The following ZNF546 variants were observed in gnomAD, a reference collection of about 807,000 sequenced individuals.
The protein encoded by ZNF546 is CTC-471F3.6.
In ZNF546, 60 loss-of-function variants were observed where a neutral mutation model predicts 76.2. That is an observed-to-expected ratio of 0.79 (90% CI 0.64 to 0.98). The LOEUF (loss-of-function observed/expected upper bound fraction) is 0.98, where lower values mean the gene tolerates loss of function less well. Ranked by LOEUF, ZNF546 falls within the 50% of genes least tolerant of loss-of-function variation. The pLI, the probability that ZNF546 is intolerant of heterozygous loss-of-function variation, is 0.00. For missense variants in ZNF546, 936 were observed against 1,035.6 expected, an observed-to-expected ratio of 0.90 and a Z score of 1.32; for synonymous variants, 277 against 328.1, an observed-to-expected ratio of 0.84 and a Z score of 1.68.
In ZNF546 at chr19:39,998,405, A is replaced by G. The variant is rs376089251; in HGVS notation, c.79A>G (p.Ile27Val). The change falls in exon 3 of 7, where the codon ATA becomes GTA. Residue 27 changes from isoleucine to valine, a missense_variant. Ile to Val is a conservative substitution (Grantham distance 29). Coordinates refer to ENST00000347077, the MANE Select transcript of ZNF546 (RefSeq NM_178544.5). The stretch of plus-strand genomic sequence containing the variant: ...AATCATTCCTCTGCACTCACTTTCT[A>G]TAATGGTAGAGAAATGCATATCCTG... ...FQIIPLHSLS[I>V]MPRFLWILCF... is the part of the protein sequence containing the mutation. The G allele has an allele frequency of 1.2e-6, 2 of 1,613,226 alleles. No homozygotes were observed. Among genetic ancestry groups the G allele is most frequent in the Non-Finnish European group, 1.7e-6 (2 of 1,179,184 alleles).
In ZNF546 at chr19:40,015,502, T is replaced by G. The variant is rs745719459; in HGVS notation, c.2232T>G (p.Thr744=). ...YHLTQHFRLH[T]GEKPYSCKEC... is the part of the protein sequence containing the mutation. ...TTACTCAACATTTTAGACTTCATACTGGTGAGAAACCTTATAGCTGTAAAG... is the reference window on the plus strand; with the variant it reads ...TTACTCAACATTTTAGACTTCATACGGGTGAGAAACCTTATAGCTGTAAAG... Residue 744 remains threonine, a synonymous_variant, in exon 7 of 7, where the codon ACT becomes ACG. Coordinates refer to ENST00000347077, the MANE Select transcript of ZNF546 (RefSeq NM_178544.5). 3 of 1,614,190 alleles carry G rather than the reference T, an allele frequency of 1.9e-6. No homozygotes were observed. The highest frequency in any genetic ancestry group is 2.5e-6 in the Non-Finnish European group (3 of 1,180,030).
rs776864029 is a variant in ZNF546, at chr19:40,014,986, G to A, written c.1716G>A (p.Gln572=). 6.2e-7 allele frequency: 1 copy of A among 1,613,506 alleles called. No homozygotes were observed. The highest frequency in any genetic ancestry group is 1.7e-5 in the Admixed American group (1 of 59,992). ...ATAGCAATCAATTTATTTCACACCA[G>A]CGAATTCACACCAGTGAGAGCACCT... The part of the protein sequence containing the change: ...FIHSNQFISH[Q]RIHTSESTYI... The change falls in exon 7 of 7, where the codon CAG becomes CAA. Residue 572 remains glutamine (Q), a synonymous_variant. Coordinates refer to ENST00000347077, the MANE Select transcript of ZNF546 (RefSeq NM_178544.5).
chr19:39,998,423 AT>A lies in ZNF546; in HGVS notation c.84+14del. On this transcript the variant is annotated intron_variant, in intron 3 of 6. Coordinates refer to ENST00000347077, the MANE Select transcript of ZNF546 (RefSeq NM_178544.5). The stretch of plus-strand genomic sequence containing the variant: ...ACTTTCTATAATGGTAGAGAAATGC[AT>A]ATCCTGGAGTCTAAAGTTAAAACTT... 1 of 1,603,402 alleles carries A rather than the reference AT, an allele frequency of 6.2e-7. No individual in the cohort carries two copies. Among genetic ancestry groups the A allele is most frequent in the Non-Finnish European group, 8.5e-7 (1 of 1,170,200 alleles).
At chr19:40,012,182 CAA>C (rs768067870) in intron 6 of ZNF546, among the ~76,000 whole-genome samples, 196 of 152,164 alleles carry the variant, frequency 1.3e-3, no homozygotes, top group Middle Eastern at 3.4e-3. Context: ...GGGACAGAGA[CAA>C]AGAGAAGGAA....
At chr19:40,004,448 T>C (rs1231280054) in intron 3 of ZNF546, among the ~76,000 whole-genome samples, 2 of 151,912 alleles carry the variant, frequency 1.3e-5, no homozygotes, top group Non-Finnish European at 2.9e-5. Context: ...TTGTATTTTT[T>C]AGTGGAGATG....
At chr19:40,000,785 G>A (rs770129105) in intron 3 of ZNF546, among the ~76,000 whole-genome samples, 3 of 151,992 alleles carry the variant, frequency 2.0e-5, no homozygotes, top group Admixed American at 6.6e-5. Context: ...TTGGCACCAG[G>A]ACTGGTTTCA....
rs1971840815 is a variant in ZNF546 at position 40,020,481 on chromosome 19, T to A, written c.*4700T>A. 6.6e-6 allele frequency: 1 copy of A among 152,206 alleles called. No individual in the cohort carries two copies. The highest frequency in any genetic ancestry group is 2.4e-5 in the African/African-American group (1 of 41,460). 9.4% of individuals were successfully genotyped at this position (152,206 alleles called of 1,614,324 possible). A position where few individuals can be genotyped will look rare whatever the true frequency, so the allele number is the denominator to read the frequency against. On this transcript the variant is annotated 3_prime_UTR_variant, in exon 7 of 7. Coordinates refer to ENST00000347077, the MANE Select transcript of ZNF546 (RefSeq NM_178544.5). ...GTGGATTGTTCCTCCAAAGTACCAG[T>A]GCCTTAACACAACATATCTAAAAGA...
In ZNF546 at chr19:40,010,949, G is replaced by C. The variant is rs571362596; in HGVS notation, c.394+2384G>C. Among the ~76,000 whole-genome samples the C allele has an allele frequency of 1.6e-4, 24 of 152,178 alleles. No individual in the cohort carries two copies. The East Asian group carries it at 4.6e-3, about 29-fold the overall frequency. On this transcript the variant is annotated intron_variant, in intron 6 of 6. Coordinates refer to ENST00000347077, the MANE Select transcript of ZNF546 (RefSeq NM_178544.5). ...CCTGCCTCAGCCTCCCAAAGTGCTG[G>C]GCTTACAGGCGTGAGCCACTATACC...
chr19:40,010,692 CT>C (rs899281303), intron 6 of ZNF546, among the ~76,000 whole-genome samples: 1 of 151,672 alleles, frequency 6.6e-6, no homozygotes. Context: ...TTCTTTCTTT[CT>C]TTTTTTTGAA....
rs948512464 is a variant in ZNF546 at position 40,015,318 on chromosome 19, A to G, written c.2048A>G (p.His683Arg). The change falls in exon 7 of 7, where the codon CAT becomes CGT. Residue 683 changes from histidine (H) to arginine (R), a missense_variant. By Grantham distance (29) the His-to-Arg change is conservative. Transcript: ENST00000347077. The part of the protein sequence containing the change: ...TFSRHYHLTQ[H>R]HRGHTGEKPY... ...AGTCGGCACTATCATCTTACTCAAC[A>G]TCACAGAGGCCATACTGGTGAGAAG... 35 of 1,614,066 alleles carry G rather than the reference A, an allele frequency of 2.2e-5. No homozygotes were observed. Among genetic ancestry groups the G allele is most frequent in the Non-Finnish European group, 2.8e-5 (33 of 1,180,026 alleles).
chr19:40,013,770 A>G lies in ZNF546; in HGVS notation c.500A>G (p.His167Arg). Residue 167 changes from histidine to arginine, a missense_variant, in exon 7 of 7, where the codon CAT becomes CGT. By Grantham distance (29) the His-to-Arg change is conservative. Coordinates refer to ENST00000347077, the MANE Select transcript of ZNF546 (RefSeq NM_178544.5). The stretch of plus-strand genomic sequence containing the variant: ...GGGGAAAAAAGTAAAAACACCATCC[A>G]TGAGGACACCATTTTCAGAAATGGT... ...QTGEKSKNTI[H>R]EDTIFRNGLQ... is the part of the protein sequence containing the mutation. 2 of 1,613,648 alleles carry G rather than the reference A, an allele frequency of 1.2e-6. No individual in the cohort carries two copies. Among genetic ancestry groups the G allele is most frequent in the Non-Finnish European group, 1.7e-6 (2 of 1,179,928 alleles).
intron 3 of ZNF546, among the ~76,000 whole-genome samples, chr19:40,001,333 C>A (rs551463770): frequency 6.6e-6 from 1 of 151,844 alleles, no homozygotes; most frequent in Non-Finnish European, 1.5e-5. Context: ...TGATGTCCCC[C>A]CTTTGGTAGT....
chr19:40,008,677 C>G (rs891518873), intron 6 of ZNF546, 112 bp downstream of exon 6: 32 of 698,888 alleles, frequency 4.6e-5, no homozygotes, highest in Non-Finnish European at 7.2e-5. Context: ...AGGCCTGAGG[C>G]CTGTGGAAAA....
intron 3 of ZNF546, among the ~76,000 whole-genome samples, chr19:40,000,102 A>G (rs1354232037): frequency 1.3e-5 from 2 of 152,208 alleles, no homozygotes; most frequent in African/African-American, 2.4e-5. Context: ...GAATCCTGCT[A>G]AGTTTGATTA....
At chr19:39,998,061 T>A (rs1385634873) in intron 2 of ZNF546, 146 bp downstream of exon 2, 5 of 474,542 alleles carry the variant, frequency 1.1e-5, no homozygotes, top group South Asian at 4.8e-5. Context: ...TGTCACCTCA[T>A]TGCTCACAGT....
chr19:39,998,445 A>G (rs1333428073), intron 3 of ZNF546, 35 bp downstream of exon 3: 4 of 1,562,814 alleles, frequency 2.6e-6, no homozygotes, highest in Non-Finnish European at 8.8e-7. Context: ...CTAAAGTTAA[A>G]ACTTTGTTTT....
chr19:40,011,838 T>C (rs1056150209), intron 6 of ZNF546, among the ~76,000 whole-genome samples: 1 of 152,226 alleles, frequency 6.6e-6, no homozygotes, highest in Non-Finnish European at 1.5e-5. Flanking sequence ...TGCCTCCATC[T>C]TCATGGCACC....
At chr19:39,997,458 G>C (rs1292748105) in intron 1 of ZNF546, among the ~76,000 whole-genome samples, 1 of 152,134 alleles carries the variant, frequency 6.6e-6, no homozygotes, top group Non-Finnish European at 1.5e-5. Context: ...TCACGGCCTC[G>C]GTGTTTGCAC....
In ZNF546 at chr19:40,014,362, G is replaced by C; in HGVS notation, c.1092G>C (p.Lys364Asn). The change falls in exon 7 of 7, where the codon AAG becomes AAC. Residue 364 changes from lysine to asparagine, a missense_variant. By Grantham distance (94) the Lys-to-Asn change is moderately conservative (BLOSUM62 0). Transcript: ENST00000347077. ...ERPYECKVCG[K>N]TFRVQRHISQ... ...CTTATGAATGTAAGGTTTGTGGCAA[G>C]ACCTTTAGGGTACAACGACATATTA... The C allele has an allele frequency of 1.9e-6, 3 of 1,613,792 alleles. No individual in the cohort carries two copies. The highest frequency in any genetic ancestry group is 2.5e-6 in the Non-Finnish European group (3 of 1,179,958).
Sources: gnomAD v4.1 joint callset for allele counts (sites outside exome capture counted in the v4.1 genomes callset) on GRCh38, gnomAD v4.1.1 for gene constraint, MANE v1.5 for transcripts, NCBI Gene and HGNC (gene_info 2026-07-23, HGNC 2026-07-21) for gene names.